The following SGK3 variants were observed in gnomAD, a reference collection of about 807,000 sequenced individuals.
The protein encoded by SGK3 is serine/threonine-protein kinase Sgk3.
In SGK3, 47 loss-of-function variants were observed where a neutral mutation model predicts 68.5. The ratio of observed to expected loss-of-function variants is 0.69; its 90% CI spans 0.54 to 0.87. The LOEUF (loss-of-function observed/expected upper bound fraction) is 0.87, where lower values mean the gene tolerates loss of function less well. SGK3 is among the 40% of genes least tolerant of loss of function. The probability of loss-of-function intolerance (pLI) is 0.00; values close to 1 mark genes in which losing one functional copy is unlikely to be tolerated. For missense variants in SGK3, 479 were observed against 575.5 expected, an observed-to-expected ratio of 0.83 and a Z score of 1.72; for synonymous variants, 181 against 189.1, an observed-to-expected ratio of 0.96 and a Z score of 0.35.
At chr8:66,725,768 A>G (rs1358879491) in intron 1 of SGK3, among the ~76,000 whole-genome samples, 4 of 152,100 alleles carry the variant, frequency 2.6e-5, no homozygotes, top group South Asian at 2.1e-4. Context: ...GAAGCCTTCC[A>G]TTAGGAAATT....
chr8:66,854,580 G>A (rs1810427023), intron 16 of SGK3, among the ~76,000 whole-genome samples: 1 of 152,024 alleles, frequency 6.6e-6, no homozygotes, highest in Non-Finnish European at 1.5e-5. Flanking sequence ...TTCATTTCTG[G>A]GTCAATGAAT....
rs148229809 is a variant in SGK3 at position 66,793,921 on chromosome 8, C to G, written c.96+89C>G. The G allele has an allele frequency of 3.3e-4, 441 of 1,330,370 alleles. 1 individual carries two copies. In the East Asian group the frequency reaches 9.7e-3, roughly 29 times the overall value. The allele number at this position is 1,330,370 out of a possible 1,614,324, so 82.4% of individuals were successfully genotyped here. A position where few individuals can be genotyped will look rare whatever the true frequency, so the allele number is the denominator to read the frequency against. On this transcript the variant is annotated intron_variant, in intron 2 of 16. Coordinates refer to ENST00000521198, the MANE Select transcript of SGK3 (RefSeq NM_001033578.3). ...TTTTCTTCTCCAACCTAGAACACCC[C>G]CTTCCCCATCTCCACATACCTAGAT...
intron 1 of SGK3, among the ~76,000 whole-genome samples, chr8:66,733,534 A>G (rs1805229385): frequency 6.6e-6 from 1 of 152,220 alleles, no homozygotes; most frequent in Non-Finnish European, 1.5e-5. Context: ...CAAAGTAGCC[A>G]TTTGATAAAT....
intron 13 of SGK3, among the ~76,000 whole-genome samples, chr8:66,841,812 CTATT>C (rs1269887888): frequency 6.6e-6 from 1 of 152,116 alleles, no homozygotes; most frequent in Non-Finnish European, 1.5e-5. Context: ...AAAAAAGTAT[CTATT>C]TGTGACAATA....
At chr8:66,785,764 TGGACTTG>T (rs1807173794) in intron 1 of SGK3, among the ~76,000 whole-genome samples, 1 of 152,236 alleles carries the variant, frequency 6.6e-6, no homozygotes, top group Non-Finnish European at 1.5e-5. Flanking sequence ...TCTGTCTTGT[TGGACTTG>T]TCTGAGTTGA....
intron 1 of SGK3, among the ~76,000 whole-genome samples, chr8:66,754,925 G>T (rs1390404188): frequency 6.6e-6 from 1 of 152,162 alleles, no homozygotes; most frequent in Non-Finnish European, 1.5e-5. Context: ...TAACTAGGCA[G>T]CACAGTAGCA....
At position 66,859,512 on chromosome 8, in the gene SGK3, T is replaced by C; in HGVS notation, c.1422T>C (p.Ser474=). ...CTGACTATTCTATAGTGAATGCCAG[T>C]GTATTGGAGGCAGATGATGCATTCG... ...VSSDYSIVNA[S]VLEADDAFVG... Residue 474 remains serine, a synonymous_variant, in exon 17 of 17, where the codon AGT becomes AGC. Transcript: ENST00000521198. 1 of 1,613,786 alleles carries C rather than the reference T, an allele frequency of 6.2e-7. No individual in the cohort carries two copies. Among genetic ancestry groups the C allele is most frequent in the South Asian group, 1.1e-5 (1 of 91,044 alleles).
intron 5 of SGK3, among the ~76,000 whole-genome samples, chr8:66,819,175 A>G (rs1373692107): frequency 6.6e-6 from 1 of 152,202 alleles, no homozygotes. Flanking sequence ...TCTTTAAAAT[A>G]CAGTTTTTCA....
At chr8:66,767,745 G>C (rs756249718) in intron 1 of SGK3, 11 of 1,567,306 alleles carry the variant, frequency 7.0e-6, no homozygotes, top group African/African-American at 1.4e-5. Flanking sequence ...TGGCAGAAAA[G>C]CTTGGCTGTT....
intron 4 of SGK3, among the ~76,000 whole-genome samples, chr8:66,810,546 C>G (rs930389542): frequency 6.6e-6 from 1 of 152,060 alleles, no homozygotes; most frequent in Admixed American, 6.6e-5. Flanking sequence ...ACTAAAAATA[C>G]AAAAATTAGC....
chr8:66,726,424 C>T (rs1332267151), intron 1 of SGK3, among the ~76,000 whole-genome samples: 1 of 152,134 alleles, frequency 6.6e-6, no homozygotes, highest in Admixed American at 6.6e-5. Context: ...CAAAGCCCCT[C>T]ATCCGAAAGA....
chr8:66,796,215 C>T (rs1463251341), intron 2 of SGK3, among the ~76,000 whole-genome samples: 2 of 151,722 alleles, frequency 1.3e-5, no homozygotes, highest in African/African-American at 4.8e-5. Context: ...TGGCTCACTG[C>T]AACCTCCACC....
At chr8:66,853,795 T>C (rs1299265654) in intron 16 of SGK3, among the ~76,000 whole-genome samples, 1 of 152,210 alleles carries the variant, frequency 6.6e-6, no homozygotes, top group African/African-American at 2.4e-5. Context: ...TCTCAGCAGC[T>C]GATAGAGAAA....
At chr8:66,849,591 A>G (rs553059853) in intron 15 of SGK3, among the ~76,000 whole-genome samples, 1 of 145,104 alleles carries the variant, frequency 6.9e-6, no homozygotes. Context: ...TTTTGGGGGA[A>G]TATTTTTTTT....
At chr8:66,802,987 A>C (rs80151967) in intron 3 of SGK3, among the ~76,000 whole-genome samples, 1 of 152,182 alleles carries the variant, frequency 6.6e-6, no homozygotes, top group Non-Finnish European at 1.5e-5. Flanking sequence ...TCTTTAAAAG[A>C]TAAAGATTCT....
intron 1 of SGK3, among the ~76,000 whole-genome samples, chr8:66,777,393 G>A (rs1270195518): frequency 7.2e-5 from 11 of 152,166 alleles, no homozygotes; most frequent in Non-Finnish European, 1.3e-4. Flanking sequence ...AGGAGGTACC[G>A]AATTCATGGA....
intron 1 of SGK3, among the ~76,000 whole-genome samples, chr8:66,748,296 T>C (rs970918143): frequency 3.3e-5 from 5 of 152,178 alleles, no homozygotes; most frequent in African/African-American, 1.2e-4. Flanking sequence ...ACTAAAGTAG[T>C]ATTTATTTAT....
intron 1 of SGK3, among the ~76,000 whole-genome samples, chr8:66,773,110 T>A (rs2130494809): frequency 6.6e-6 from 1 of 152,338 alleles, no homozygotes; most frequent in South Asian, 2.1e-4. Context: ...GGTTTGCATG[T>A]ACAGTGGGAG....
chr8:66,724,319 G>A (rs373196494), intron 1 of SGK3, among the ~76,000 whole-genome samples: 8 of 152,232 alleles, frequency 5.3e-5, no homozygotes, highest in South Asian at 2.1e-4. Context: ...TGGGCGCGGC[G>A]GCTCACGCCT....
Sources: allele counts gnomAD v4.1 joint callset (sites outside exome capture counted in the v4.1 genomes callset), GRCh38; gene constraint gnomAD v4.1.1; transcripts MANE v1.5; gene names NCBI Gene and HGNC (gene_info 2026-07-23, HGNC 2026-07-21).